FRMPD3: variants seen among roughly 807,000 people sequenced by gnomAD.
FRMPD3 encodes FERM and PDZ domain containing 3.
A neutral mutation model predicts 97.9 loss-of-function variants in FRMPD3; 42 were observed. The observed-to-expected ratio is 0.43, with a 90% CI of 0.34 to 0.55. FRMPD3 has a LOEUF of 0.55. Ranked by LOEUF, FRMPD3 falls within the 20% of genes least tolerant of loss-of-function variation. The pLI, the probability that FRMPD3 is intolerant of heterozygous loss-of-function variation, is 0.03. For synonymous variants in FRMPD3, 577 were observed against 581.1 expected, an observed-to-expected ratio of 0.99 and a Z score of 0.10; for missense variants, 1,303 against 1,457.7, an observed-to-expected ratio of 0.89 and a Z score of 1.73.
Position 107,605,174 on chromosome X carries a change from A to G in FRMPD3, c.*1801A>G, listed in dbSNP as rs1419648510. ...ATATAGTATATATACTACATAAAAT[A>G]TATAAATTATATATATACTAATTTA... On this transcript the variant is annotated 3_prime_UTR_variant, in exon 15 of 15. Coordinates refer to ENST00000683843, the MANE Select transcript of FRMPD3 (RefSeq NM_001388459.1). 1.8e-5 allele frequency: 2 copies of G among 110,853 alleles called. No homozygotes were observed. Among genetic ancestry groups the G allele is most frequent in the Non-Finnish European group, 3.8e-5 (2 of 53,017 alleles). The allele number at this position is 110,853 out of a possible 1,213,427, so 9.1% of individuals were successfully genotyped here.
intron 1 of FRMPD3, among the ~76,000 whole-genome samples, chrX:107,507,396 G>A (rs1355717760): frequency 9.0e-6 from 1 of 111,017 alleles, no homozygotes; most frequent in Non-Finnish European, 1.9e-5. Context: ...GAGATAAGGG[G>A]CGAGGGGAAT....
At chrX:107,543,741 C>T (rs1396249144) in intron 4 of FRMPD3, among the ~76,000 whole-genome samples, 2 of 106,817 alleles carry the variant, frequency 1.9e-5, no homozygotes, top group Admixed American at 1.0e-4. Context: ...ACTTGAACCG[C>T]GGAGACAGAG....
chrX:107,467,843 G>C (rs144676979), intron 1 of FRMPD3, among the ~76,000 whole-genome samples: 5 of 111,075 alleles, frequency 4.5e-5, no homozygotes, highest in Non-Finnish European at 7.5e-5. Context: ...TTTAGGTACC[G>C]AATGCCAGCT....
chrX:107,538,842 A>G (rs1230636825), intron 4 of FRMPD3, among the ~76,000 whole-genome samples: 1 of 112,206 alleles, frequency 8.9e-6, no homozygotes, highest in Non-Finnish European at 1.9e-5. Flanking sequence ...CATTTTTAGT[A>G]GAGACGATGT....
intron 3 of FRMPD3, among the ~76,000 whole-genome samples, chrX:107,531,343 C>CCTCTCT (rs369827990): frequency 9.8e-6 from 1 of 102,149 alleles, no homozygotes; most frequent in East Asian, 3.1e-4. Flanking sequence ...TTTCTCTCTC[C>CCTCTCT]CTCTCTCTCT....
At chrX:107,551,445 T>C (rs1276659632) in intron 6 of FRMPD3, among the ~76,000 whole-genome samples, 1 of 112,223 alleles carries the variant, frequency 8.9e-6, no homozygotes, top group Non-Finnish European at 1.9e-5. Flanking sequence ...ATGTCCATTG[T>C]GGACTCTGTC....
At chrX:107,460,215 T>A (rs1931445770) in intron 1 of FRMPD3, among the ~76,000 whole-genome samples, 1 of 111,074 alleles carries the variant, frequency 9.0e-6, no homozygotes, top group Non-Finnish European at 1.9e-5. Flanking sequence ...GGCTTAGGAG[T>A]CAACCAGGTA....
At chrX:107,458,643 A>T (rs182152745) in intron 1 of FRMPD3, among the ~76,000 whole-genome samples, 251 of 111,885 alleles carry the variant, frequency 2.2e-3, no homozygotes, top group South Asian at 0.016. Context: ...TGGGGAAAAA[A>T]TGATTGGCTG....
intron 1 of FRMPD3, among the ~76,000 whole-genome samples, chrX:107,474,180 C>G (rs1156383185): frequency 1.8e-5 from 2 of 112,299 alleles, no homozygotes; most frequent in Non-Finnish European, 3.8e-5. Context: ...AACCTCAGTC[C>G]CTACAGCAGG....
chrX:107,592,181 A>G (rs1298535769), intron 13 of FRMPD3, among the ~76,000 whole-genome samples: 1 of 110,763 alleles, frequency 9.0e-6, no homozygotes, highest in African/African-American at 3.3e-5. Context: ...GTGAGAACAT[A>G]TGATGTTTGG....
chrX:107,543,482 C>T (rs1265607456), intron 4 of FRMPD3, among the ~76,000 whole-genome samples: 1 of 111,228 alleles, frequency 9.0e-6, no homozygotes, highest in Admixed American at 9.6e-5. Flanking sequence ...CTTAATGTCT[C>T]ATCCTCAGAG....
chrX:107,523,060 A>G (rs1198781203), intron 1 of FRMPD3, among the ~76,000 whole-genome samples: 1 of 111,398 alleles, frequency 9.0e-6, no homozygotes, highest in Non-Finnish European at 1.9e-5. Context: ...TGACCCATGG[A>G]CAGCTGAGCT....
At chrX:107,503,874 A>G (rs990313489) in intron 1 of FRMPD3, among the ~76,000 whole-genome samples, 4 of 112,102 alleles carry the variant, frequency 3.6e-5, no homozygotes, top group African/African-American at 1.3e-4. Flanking sequence ...TGGGCAAGGA[A>G]GGAGTATTTG....
At chrX:107,589,982 C>G (rs1480564455) in intron 13 of FRMPD3, among the ~76,000 whole-genome samples, 1 of 111,306 alleles carries the variant, frequency 9.0e-6, no homozygotes, top group East Asian at 2.8e-4. Flanking sequence ...GAAACCCTGT[C>G]TCTACTAAAA....
chrX:107,598,188 C>T, intron 14 of FRMPD3, 46 bp downstream of exon 14: 2 of 1,050,639 alleles, frequency 1.9e-6, no homozygotes, highest in Non-Finnish European at 2.6e-6. Context: ...TTCTCTTGTC[C>T]AACAAGGGCC....
At chrX:107,497,869 G>T (rs1377726096) in intron 1 of FRMPD3, among the ~76,000 whole-genome samples, 3 of 111,795 alleles carry the variant, frequency 2.7e-5, no homozygotes, top group Non-Finnish European at 5.6e-5. Flanking sequence ...TGGTGTTTTC[G>T]TGCCAACGTG....
At chrX:107,495,778 T>G (rs1921761616) in intron 1 of FRMPD3, among the ~76,000 whole-genome samples, 1 of 112,724 alleles carries the variant, frequency 8.9e-6, no homozygotes, top group African/African-American at 3.2e-5. Context: ...GCAACTTTAC[T>G]CTTAGTAAAC....
chrX:107,525,879 C>T (rs1255778097), intron 1 of FRMPD3, among the ~76,000 whole-genome samples: 3 of 110,763 alleles, frequency 2.7e-5, no homozygotes, highest in Non-Finnish European at 3.8e-5. Context: ...AGTTCGAGAC[C>T]AGCCTGGCCA....
At chrX:107,582,186 CTT>C (rs1204660012) in intron 13 of FRMPD3, among the ~76,000 whole-genome samples, 10 of 102,639 alleles carry the variant, frequency 9.7e-5, no homozygotes, top group Non-Finnish European at 8.0e-5. Context: ...TACTGTCCAT[CTT>C]TTTTTTTTTT....
Sources: allele counts gnomAD v4.1 joint callset (sites outside exome capture counted in the v4.1 genomes callset), GRCh38; gene constraint gnomAD v4.1.1; transcripts MANE v1.5; gene names NCBI Gene and HGNC (gene_info 2026-07-23, HGNC 2026-07-21).